Variants in ANKFN1 observed in about 807,000 individuals in gnomAD.
ANKFN1 encodes ankyrin repeat and fibronectin type III domain containing 1, also known as ankyrin repeat and fibronectin type-III domain-containing protein 1.
A neutral mutation model predicts 108.7 loss-of-function variants in ANKFN1; 74 were observed. The observed-to-expected ratio is 0.68, with a 90% CI of 0.56 to 0.83. The LOEUF (loss-of-function observed/expected upper bound fraction) is 0.83, where lower values mean the gene tolerates loss of function less well. Ranked by LOEUF, ANKFN1 falls within the 40% of genes least tolerant of loss-of-function variation. The pLI, the probability that ANKFN1 is intolerant of heterozygous loss-of-function variation, is 0.00. For synonymous variants in ANKFN1, 547 were observed against 516.2 expected, an observed-to-expected ratio of 1.06 and a Z score of -0.81; for missense variants, 1,505 against 1,382.3, an observed-to-expected ratio of 1.09 and a Z score of -1.41.
intron 2 of ANKFN1, among the ~76,000 whole-genome samples, chr17:56,219,081 C>T (rs1352295693): frequency 1.3e-5 from 2 of 151,180 alleles, no homozygotes; most frequent in Non-Finnish European, 3.0e-5. Context: ...AAATAATCAC[C>T]GTGTTTTTAT....
At chr17:56,372,233 G>A (rs1567951660) in intron 6 of ANKFN1, among the ~76,000 whole-genome samples, 1 of 152,198 alleles carries the variant, frequency 6.6e-6, no homozygotes, top group Non-Finnish European at 1.5e-5. Flanking sequence ...CTTGCCTCAT[G>A]GATAACATTT....
At chr17:56,145,054 C>T (rs1908176515) in intron 4 of ANKFN1, among the ~76,000 whole-genome samples, 1 of 152,118 alleles carries the variant, frequency 6.6e-6, no homozygotes, top group South Asian at 2.1e-4. Flanking sequence ...GCCCTCATAC[C>T]AGGAAGGAGC....
intron 6 of ANKFN1, among the ~76,000 whole-genome samples, chr17:56,362,416 A>C (rs1023340304): frequency 6.6e-6 from 1 of 152,240 alleles, no homozygotes; most frequent in African/African-American, 2.4e-5. Flanking sequence ...TGACCAATGG[A>C]ACAGAATAGA....
At chr17:56,160,616 A>T (rs973460465) in intron 1 of ANKFN1, among the ~76,000 whole-genome samples, 3 of 152,188 alleles carry the variant, frequency 2.0e-5, no homozygotes, top group African/African-American at 7.2e-5. Context: ...AAAAAATGGA[A>T]CAGAGCTCTC....
intron 8 of ANKFN1, among the ~76,000 whole-genome samples, chr17:56,426,914 C>G (rs983906442): frequency 1.3e-5 from 2 of 152,168 alleles, no homozygotes; most frequent in Non-Finnish European, 2.9e-5. Flanking sequence ...CCCTGGGAAG[C>G]TGTGGAAGCT....
upstream of ANKFN1, among the ~76,000 whole-genome samples, chr17:56,148,555 A>T (rs16956749): frequency 5.5e-3 from 845 of 152,332 alleles, 9 homozygotes; most frequent in Non-Finnish European, 9.6e-3. Context: ...GTCGTTTACA[A>T]GGGGACCTGC....
chr17:56,216,127 T>C (rs1290511652), intron 2 of ANKFN1, among the ~76,000 whole-genome samples: 1 of 152,240 alleles, frequency 6.6e-6, no homozygotes, highest in Non-Finnish European at 1.5e-5. Context: ...AAATTTTATG[T>C]ATGAAGCCTT....
intron 8 of ANKFN1, among the ~76,000 whole-genome samples, chr17:56,386,107 G>A (rs2047258880): frequency 1.3e-5 from 2 of 152,090 alleles, no homozygotes; most frequent in South Asian, 4.2e-4. Flanking sequence ...TTAAGAAAAT[G>A]TGGCACATAT....
At chr17:56,303,730 G>T (rs1567898447) in intron 3 of ANKFN1, among the ~76,000 whole-genome samples, 1 of 151,900 alleles carries the variant, frequency 6.6e-6, no homozygotes, top group Admixed American at 6.6e-5. Context: ...TGTCAGCCAG[G>T]CTGGAGTGCA....
At chr17:56,324,005 A>G (rs1049144134) in intron 3 of ANKFN1, among the ~76,000 whole-genome samples, 2 of 152,242 alleles carry the variant, frequency 1.3e-5, no homozygotes, top group Non-Finnish European at 2.9e-5. Context: ...TGTTTAAGCC[A>G]AGATTCCAAG....
At chr17:56,464,606 A>T (rs1444674669) in intron 14 of ANKFN1, among the ~76,000 whole-genome samples, 1 of 152,180 alleles carries the variant, frequency 6.6e-6, no homozygotes, top group Non-Finnish European at 1.5e-5. Context: ...GGGGAGGTGA[A>T]ATCTGGGATG....
chr17:56,400,703 A>G (rs1266849933), intron 8 of ANKFN1, among the ~76,000 whole-genome samples: 1 of 152,128 alleles, frequency 6.6e-6, no homozygotes, highest in Non-Finnish European at 1.5e-5. Context: ...AATCTTCTAG[A>G]ATTATTATAG....
intron 15 of ANKFN1, among the ~76,000 whole-genome samples, chr17:56,474,008 A>C (rs2145333112): frequency 6.6e-6 from 1 of 152,260 alleles, no homozygotes; most frequent in East Asian, 1.9e-4. Flanking sequence ...TTTTCATATT[A>C]AGTTTCAACC....
chr17:56,096,979 A>C (rs761652652), intron 4 of ANKFN1, among the ~76,000 whole-genome samples: 3 of 152,232 alleles, frequency 2.0e-5, no homozygotes, highest in African/African-American at 7.2e-5. Flanking sequence ...ACATGGAGCC[A>C]GAGGCCATTA....
intron 4 of ANKFN1, among the ~76,000 whole-genome samples, chr17:56,096,025 C>G (rs1019808700): frequency 3.9e-5 from 6 of 152,092 alleles, no homozygotes; most frequent in Non-Finnish European, 4.4e-5. Context: ...TTCCCCAGGC[C>G]TCAGTTTTCT....
At chr17:56,478,972 C>A (rs967801230) in intron 16 of ANKFN1, among the ~76,000 whole-genome samples, 2 of 152,172 alleles carry the variant, frequency 1.3e-5, no homozygotes, top group Non-Finnish European at 2.9e-5. Context: ...GAGGAGGGAA[C>A]TCACTGACTA....
At chr17:56,320,852 G>A (rs958170072) in intron 3 of ANKFN1, among the ~76,000 whole-genome samples, 1 of 152,026 alleles carries the variant, frequency 6.6e-6, no homozygotes, top group Non-Finnish European at 1.5e-5. Context: ...CTCTGTCATC[G>A]GATTGCACTA....
chr17:56,496,578 T>G (rs2051207299), intron 19 of ANKFN1, among the ~76,000 whole-genome samples: 1 of 152,132 alleles, frequency 6.6e-6, no homozygotes, highest in Non-Finnish European at 1.5e-5. Context: ...TCACTCTTTC[T>G]GTACTCACGT....
At chr17:56,264,935 C>T (rs2043610313) in intron 3 of ANKFN1, among the ~76,000 whole-genome samples, 1 of 152,102 alleles carries the variant, frequency 6.6e-6, no homozygotes, top group Non-Finnish European at 1.5e-5. Flanking sequence ...CTTCCCCAGC[C>T]CTCTAGCTCA....
Sources: gnomAD v4.1 joint callset for allele counts (sites outside exome capture counted in the v4.1 genomes callset) on GRCh38, gnomAD v4.1.1 for gene constraint, MANE v1.5 for transcripts, NCBI Gene and HGNC (gene_info 2026-07-23, HGNC 2026-07-21) for gene names.